Variants in RBFOX1 observed in about 807,000 individuals in gnomAD.
The protein encoded by RBFOX1 is RNA binding protein fox-1 homolog 1.
RBFOX1 carries 8 observed loss-of-function variants against 57.7 expected under a neutral mutation model. The ratio of observed to expected loss-of-function variants is 0.14; its 90% CI spans 0.08 to 0.25. RBFOX1 has a LOEUF of 0.25. Ranked by LOEUF, RBFOX1 falls within the 10% of genes least tolerant of loss-of-function variation. RBFOX1 has a pLI of 1.00. For missense variants in RBFOX1, 611 were observed against 548.5 expected, an observed-to-expected ratio of 1.11 and a Z score of -1.14; for synonymous variants, 326 against 222.4, an observed-to-expected ratio of 1.47 and a Z score of -4.15.
At chr16:6,030,117 G>A (rs1231097307) in intron 1 of RBFOX1, among the ~76,000 whole-genome samples, 1 of 152,106 alleles carries the variant, frequency 6.6e-6, no homozygotes, top group African/African-American at 2.4e-5. Context: ...TTGTAGAGTT[G>A]TGATTTCACC....
At chr16:6,321,521 G>A (rs2081788645) in intron 2 of RBFOX1, among the ~76,000 whole-genome samples, 1 of 152,174 alleles carries the variant, frequency 6.6e-6, no homozygotes, top group South Asian at 2.1e-4. Flanking sequence ...ATGGTCCCCT[G>A]GGACTCTGCA....
chr16:5,284,409 C>T (rs1332079294), intron 1 of RBFOX1, among the ~76,000 whole-genome samples: 2 of 152,060 alleles, frequency 1.3e-5, no homozygotes, highest in African/African-American at 4.8e-5. Context: ...TTTATACTTT[C>T]ATGTATTTTC....
At chr16:7,261,973 T>G (rs1295915136) in intron 4 of RBFOX1, among the ~76,000 whole-genome samples, 1 of 152,240 alleles carries the variant, frequency 6.6e-6, no homozygotes, top group Non-Finnish European at 1.5e-5. Context: ...TGTTGTTAAA[T>G]CATCCTAACT....
At chr16:5,637,656 G>C (rs75887746) in intron 3 of RBFOX1, among the ~76,000 whole-genome samples, 4,658 of 152,300 alleles carry the variant, frequency 0.031, 116 homozygotes, top group Non-Finnish European at 0.045. Flanking sequence ...CATTTGGGCA[G>C]TCTCTACTTC....
At chr16:7,030,663 C>G (rs1477534049) in intron 3 of RBFOX1, among the ~76,000 whole-genome samples, 2 of 152,162 alleles carry the variant, frequency 1.3e-5, no homozygotes, top group African/African-American at 4.8e-5. Flanking sequence ...TCTCTTGATC[C>G]TTACCTTATT....
At chr16:6,180,579 T>G (rs960242403) in intron 1 of RBFOX1, among the ~76,000 whole-genome samples, 5 of 152,064 alleles carry the variant, frequency 3.3e-5, no homozygotes, top group Non-Finnish European at 7.4e-5. Flanking sequence ...TCTTTTTTCT[T>G]TTTTGAGATG....
chr16:5,408,790 A>T (rs2066931576), intron 1 of RBFOX1, among the ~76,000 whole-genome samples: 1 of 152,222 alleles, frequency 6.6e-6, no homozygotes, highest in Non-Finnish European at 1.5e-5. Context: ...TGGCAAAAGC[A>T]GGAGCAAGAC....
chr16:5,939,164 C>T (rs1197326225), intron 4 of RBFOX1, among the ~76,000 whole-genome samples: 1 of 152,252 alleles, frequency 6.6e-6, no homozygotes, highest in African/African-American at 2.4e-5. Flanking sequence ...ATGGGTACAG[C>T]ACACCAACAT....
chr16:6,605,083 A>C (rs1459201897), intron 2 of RBFOX1, among the ~76,000 whole-genome samples: 1 of 152,128 alleles, frequency 6.6e-6, no homozygotes, highest in East Asian at 1.9e-4. Context: ...ATATATACAC[A>C]CACAAATTAG....
At chr16:7,570,455 A>G (rs775117443) in intron 5 of RBFOX1, among the ~76,000 whole-genome samples, 1 of 152,224 alleles carries the variant, frequency 6.6e-6, no homozygotes, top group Non-Finnish European at 1.5e-5. Flanking sequence ...ATCATCTACC[A>G]CATTTTACTC....
At chr16:6,466,728 C>A (rs1056018806) in intron 2 of RBFOX1, among the ~76,000 whole-genome samples, 2 of 152,028 alleles carry the variant, frequency 1.3e-5, no homozygotes, top group Admixed American at 1.3e-4. Context: ...TTGAACTAGG[C>A]GAGGCTCTCT....
chr16:6,058,606 C>A (rs1044838836), intron 1 of RBFOX1, among the ~76,000 whole-genome samples: 1 of 151,798 alleles, frequency 6.6e-6, no homozygotes, highest in African/African-American at 2.4e-5. Flanking sequence ...ACCCATCCAC[C>A]CATCCATCCA....
intron 3 of RBFOX1, among the ~76,000 whole-genome samples, chr16:5,675,598 C>T (rs1046566327): frequency 7.9e-5 from 12 of 152,166 alleles, no homozygotes; most frequent in East Asian, 1.9e-4. Context: ...AACATGGCAA[C>T]GGAGCCTCAA....
chr16:5,482,826 T>C (rs1015716053), intron 2 of RBFOX1, among the ~76,000 whole-genome samples: 1 of 152,160 alleles, frequency 6.6e-6, no homozygotes, highest in African/African-American at 2.4e-5. Flanking sequence ...ATCATCAGCC[T>C]GATGTAAATA....
intron 2 of RBFOX1, among the ~76,000 whole-genome samples, chr16:5,582,345 A>C (rs1023944930): frequency 1.3e-5 from 2 of 152,122 alleles, no homozygotes; most frequent in African/African-American, 4.8e-5. Context: ...CCTTCCACAC[A>C]GGGCATTGGA....
At position 7,115,575 on chromosome 16, in the gene RBFOX1, A is replaced by C. The variant is rs187754276; in HGVS notation, c.27+63477A>C. 3.7e-3 allele frequency among the ~76,000 whole-genome samples: 565 copies of C among 152,300 alleles called. 5 individuals are homozygous for C. The highest frequency in any genetic ancestry group is 4.3e-3 in the Non-Finnish European group (292 of 68,026). Reference sequence around the variant, plus strand: ...TGAGCTCTCTCACCTGGCTGTTAGCAGGCTGGAAGTTTGCTGCCCACAGAT... The same window carrying C: ...TGAGCTCTCTCACCTGGCTGTTAGCCGGCTGGAAGTTTGCTGCCCACAGAT... On this transcript the variant is annotated intron_variant, in intron 4 of 15. Coordinates refer to ENST00000550418, the MANE Select transcript of RBFOX1 (RefSeq NM_018723.4).
chr16:5,475,230 C>T (rs2151630289), intron 2 of RBFOX1, among the ~76,000 whole-genome samples: 1 of 152,350 alleles, frequency 6.6e-6, no homozygotes, highest in Admixed American at 6.5e-5. Context: ...CTTGCTGCTT[C>T]ATTTGTTTTC....
intron 1 of RBFOX1, among the ~76,000 whole-genome samples, chr16:5,407,172 C>T (rs963177370): frequency 2.0e-5 from 3 of 152,082 alleles, no homozygotes; most frequent in African/African-American, 7.2e-5. Flanking sequence ...GGGGAAGCTG[C>T]CGTTTATAAA....
intron 4 of RBFOX1, among the ~76,000 whole-genome samples, chr16:5,987,255 G>A (rs991458518): frequency 4.6e-5 from 7 of 152,222 alleles, no homozygotes; most frequent in African/African-American, 1.7e-4. Flanking sequence ...AGTTTTGAAA[G>A]TTATTTTTAT....
Sources: allele counts gnomAD v4.1 joint callset (sites outside exome capture counted in the v4.1 genomes callset), GRCh38; gene constraint gnomAD v4.1.1; transcripts MANE v1.5; gene names NCBI Gene and HGNC (gene_info 2026-07-23, HGNC 2026-07-21).